Variants in PARP10 observed in about 807,000 individuals in gnomAD.
PARP10 encodes the protein protein mono-ADP-ribosyltransferase PARP10.
Under a neutral mutation model 82.4 loss-of-function variants are expected in PARP10, and 56 were observed. The ratio of observed to expected loss-of-function variants is 0.68; its 90% confidence interval spans 0.55 to 0.85. The LOEUF is 0.85. Among genes scored for constraint, PARP10 ranks in the 40% least tolerant of loss-of-function variants. The pLI is 0.00. For synonymous variants in PARP10, 576 were observed against 601.1 expected (o/e 0.96, Z 0.61); for missense variants, 1,227 against 1,379.4 (o/e 0.89, Z 1.75).
chr8:143,984,226 T>C lies in PARP10; in HGVS notation c.1664A>G (p.Asp555Gly). Residue 555 changes from aspartate to glycine, a missense_variant, in exon 6 of 11, where the codon GAC becomes GGC. Coordinates refer to ENST00000313028, the MANE Select transcript of PARP10 (RefSeq NM_032789.5). The stretch of plus-strand genomic sequence containing the variant: ...CATCTCTACCTCTTCAAGGCCTGTG[T>C]CCAACGTGGCTGTGGCCAGGCGCTC... ...GTERLATATLDTGLEEVDPTE... is the reference protein window; with the variant it reads ...GTERLATATLGTGLEEVDPTE... The C allele has an allele frequency of 1.9e-6, 3 of 1,613,756 alleles. No individual in the cohort carries two copies. Among genetic ancestry groups the C allele is most frequent in the Non-Finnish European group, 2.5e-6 (3 of 1,179,762 alleles).
At chr8:143,986,641 T>G (rs1237259635), upstream of PARP10, 1 of 576,168 alleles carries the variant, frequency 1.7e-6, no homozygotes, top group Admixed American at 3.1e-5. Context: ...CGGCCCTACC[T>G]GGCCCACTCC....
chr8:143,980,971 G>A (rs577109972), intron 9 of PARP10, among the ~76,000 whole-genome samples: 3 of 152,086 alleles, frequency 2.0e-5, no homozygotes, highest in South Asian at 2.1e-4. Context: ...GAGGGAGGAG[G>A]CAAAAGAGAG....
At chr8:144,012,715 G>C (rs112699293) in exon 1 of PARP10, 2 of 1,551,620 alleles carry the variant, frequency 1.3e-6, no homozygotes, top group East Asian at 2.4e-5. Context: ...CTTTCCTCAC[G>C]CCAGAACAAT....
upstream of PARP10, among the ~76,000 whole-genome samples, chr8:143,994,844 C>T (rs983666996): frequency 2.0e-5 from 3 of 152,176 alleles, no homozygotes; most frequent in Non-Finnish European, 4.4e-5. Context: ...TGTGCTCCAG[C>T]ATGCTGAGGA....
exon 1 of PARP10, chr8:144,012,739 G>A (rs782231141): frequency 3.4e-5 from 52 of 1,551,188 alleles, no homozygotes; most frequent in Non-Finnish European, 3.9e-5. Flanking sequence ...AAGAGGCCTC[G>A]CTCCCAAGAG....
upstream of PARP10, chr8:143,992,939 C>G: frequency 2.0e-6 from 2 of 1,023,208 alleles, no homozygotes; most frequent in Admixed American, 2.3e-5. Flanking sequence ...CTCTCTTGTC[C>G]CCAGGCACAG....
chr8:143,992,605 C>T (rs139690086), upstream of PARP10: 14 of 1,614,134 alleles, frequency 8.7e-6, no homozygotes, highest in Non-Finnish European at 1.7e-6. Context: ...TGCTCTTCAC[C>T]TGCGTGAGTG....
At chr8:143,989,220 T>C (rs782504693), upstream of PARP10, among the ~76,000 whole-genome samples, 1 of 152,190 alleles carries the variant, frequency 6.6e-6, no homozygotes, top group Non-Finnish European at 1.5e-5. The surrounding 1 kb of genome is among the most constrained non-coding windows in gnomAD (Gnocchi z 4.3). Context: ...CAGCAGGATG[T>C]ACCCTGCCTG....
intron 9 of PARP10, 58 bp downstream of exon 9, chr8:143,982,874 G>A (rs1157236041): frequency 1.3e-5 from 21 of 1,595,592 alleles, no homozygotes; most frequent in South Asian, 4.5e-5. Context: ...TTGGCAAGGC[G>A]CTAATGGTGC....
At chr8:143,989,935 C>T (rs950929614), upstream of PARP10, 4 of 152,238 alleles carry the variant, frequency 2.6e-5, no homozygotes, top group Admixed American at 2.6e-4. The surrounding 1 kb of genome is among the most constrained non-coding windows in gnomAD (Gnocchi z 4.3). Flanking sequence ...AGAGGCGGGC[C>T]TCTGGCCGGA....
At chr8:144,009,080 A>C (rs990162805) in intron 1 of PARP10, among the ~76,000 whole-genome samples, 1 of 152,116 alleles carries the variant, frequency 6.6e-6, no homozygotes, top group Non-Finnish European at 1.5e-5. Context: ...GCACCAGGCT[A>C]CAAGAGGAGG....
At chr8:143,979,461 G>C (rs78795499) in intron 9 of PARP10, among the ~76,000 whole-genome samples, 4,399 of 152,204 alleles carry the variant, frequency 0.029, 86 homozygotes, top group Non-Finnish European at 0.043. Context: ...AAATATCTGA[G>C]GAAAAACATA....
At chr8:143,991,708 C>T (rs782158744), upstream of PARP10, 2 of 1,613,062 alleles carry the variant, frequency 1.2e-6, no homozygotes, top group Admixed American at 1.7e-5. Flanking sequence ...AGCATGGAAA[C>T]TACCAGGAGG....
intron 1 of PARP10, among the ~76,000 whole-genome samples, chr8:144,012,152 G>A (rs1039374231): frequency 3.3e-5 from 5 of 152,250 alleles, no homozygotes; most frequent in Admixed American, 1.3e-4. Context: ...ACCAGGGGAA[G>A]TGCTATGACA....
intron 1 of PARP10, among the ~76,000 whole-genome samples, chr8:144,007,661 A>T (rs529813980): frequency 1.8e-3 from 270 of 151,272 alleles, no homozygotes; most frequent in African/African-American, 6.3e-3. Context: ...CCTAGCTCCA[A>T]TGGGGTGTCA....
At chr8:143,991,765 C>G, upstream of PARP10, 1 of 1,613,714 alleles carries the variant, frequency 6.2e-7, no homozygotes, top group Non-Finnish European at 8.5e-7. Context: ...CTGCCACCAA[C>G]TGGGATGACA....
At position 143,977,389 on chromosome 8, in the gene PARP10, G is replaced by A. The variant is rs1833713907; in HGVS notation, c.*95C>T. On this transcript the variant is annotated 3_prime_UTR_variant, in exon 11 of 11. Transcript: ENST00000313028. ...CAGAGGGAGGCAGGGGCGTCCCCGGGGACAGCTCAGGCGGCCACAGTTGGG... is the reference window on the plus strand; with the variant it reads ...CAGAGGGAGGCAGGGGCGTCCCCGGAGACAGCTCAGGCGGCCACAGTTGGG... 1 of 1,201,600 alleles carries A rather than the reference G, an allele frequency of 8.3e-7. No individual in the cohort carries two copies. Among genetic ancestry groups the A allele is most frequent in the Non-Finnish European group, 1.1e-6 (1 of 882,934 alleles). 74.4% of individuals were successfully genotyped at this position (1,201,600 alleles called of 1,614,324 possible).
At chr8:143,993,050 C>T (rs1369943172), upstream of PARP10, 7 of 562,758 alleles carry the variant, frequency 1.2e-5, no homozygotes, top group African/African-American at 1.1e-4. Flanking sequence ...TTAGTCCTCC[C>T]GCCCCCGCCA....
At chr8:143,991,991 C>T (rs141624616), upstream of PARP10, 20 of 1,613,614 alleles carry the variant, frequency 1.2e-5, no homozygotes, top group Non-Finnish European at 1.7e-5. Flanking sequence ...CCTACTATGT[C>T]TCCTATGCTG....
Sources: allele counts gnomAD v4.1 joint callset (sites outside exome capture counted in the v4.1 genomes callset), GRCh38; gene constraint gnomAD v4.1.1; non-coding constraint Gnocchi (gnomAD v3.1); transcripts MANE v1.5; gene names NCBI Gene and HGNC (gene_info 2026-07-23, HGNC 2026-07-21).